The following MRAS variants were observed in gnomAD, a reference collection of about 807,000 sequenced individuals.
MRAS encodes the protein muscle RAS oncogene homolog.
In MRAS, 4 loss-of-function variants were observed where a neutral mutation model predicts 20.9. The observed-to-expected ratio is 0.19, with a 90% CI of 0.09 to 0.44. The LOEUF is 0.44. Ranked by LOEUF, MRAS falls within the 20% of genes least tolerant of loss-of-function variation. The pLI is 0.99. For synonymous variants in MRAS, 98 were observed against 102.9 expected (o/e 0.95, Z 0.29); for missense variants, 154 against 277.5 (o/e 0.56, Z 3.16).
chr3:138,348,659 G>T lies in MRAS; in HGVS notation c.-127G>T, dbSNP rs868383183. On this transcript the variant is annotated 5_prime_UTR_variant, in exon 1 of 6. Transcript: ENST00000423968. The stretch of plus-strand genomic sequence containing the variant: ...CGGAGTGGCCGGCTGGCGGGGAGCC[G>T]TCAGTCCGGCGGCCGCGGGGCCCGG... 55 of 151,776 alleles carry T rather than the reference G, an allele frequency of 3.6e-4. No homozygotes were observed. Among genetic ancestry groups the T allele is most frequent in the African/African-American group, 1.3e-3 (52 of 41,512 alleles). The allele number at this position is 151,776 out of a possible 1,614,324, so 9.4% of individuals were successfully genotyped here.
intron 1 of MRAS, among the ~76,000 whole-genome samples, chr3:138,351,076 C>T (rs140083026): frequency 6.6e-6 from 1 of 152,262 alleles, no homozygotes; most frequent in East Asian, 1.9e-4. Flanking sequence ...ATGACTGGTC[C>T]TAACCTCAGT....
rs567692539 is a variant in MRAS, at chr3:138,349,829, G to C, written c.-19+1062G>C. On this transcript the variant is annotated intron_variant, in intron 1 of 5. Coordinates refer to ENST00000423968, the MANE Select transcript of MRAS (RefSeq NM_001085049.3). ...TCCACTGTAATAACAGCAACCAACA[G>C]GGCTTCCAAAGACCAGGCACTTGAA... is the stretch of plus-strand genomic sequence containing the variant. 3 of 152,324 alleles carry C rather than the reference G, an allele frequency of 2.0e-5. No homozygotes were observed. In the South Asian group the frequency reaches 6.2e-4, roughly 32 times the overall value. 9.4% of individuals were successfully genotyped at this position (152,324 alleles called of 1,614,324 possible).
intron 1 of MRAS, among the ~76,000 whole-genome samples, chr3:138,368,723 A>C (rs538684094): frequency 4.1e-4 from 63 of 152,256 alleles, no homozygotes; most frequent in African/African-American, 1.5e-3. Context: ...TTTGCTCCTT[A>C]CCCACCAACC....
At chr3:138,370,908 G>A (rs1437347906) in intron 1 of MRAS, among the ~76,000 whole-genome samples, 2 of 152,156 alleles carry the variant, frequency 1.3e-5, no homozygotes, top group Non-Finnish European at 2.9e-5. Flanking sequence ...TAGCTGTTTT[G>A]CAGCCTGTCT....
chr3:138,378,972 G>T (rs1206770897), intron 2 of MRAS, among the ~76,000 whole-genome samples: 1 of 151,978 alleles, frequency 6.6e-6, no homozygotes. Context: ...GCATGGTAAT[G>T]ATCAAATCCA....
intron 1 of MRAS, among the ~76,000 whole-genome samples, chr3:138,366,160 G>A (rs2054556432): frequency 6.6e-6 from 1 of 152,240 alleles, no homozygotes; most frequent in Non-Finnish European, 1.5e-5. Flanking sequence ...TGGTGAAGCT[G>A]CCCATTTCTG....
chr3:138,401,245 C>A (rs2108568693), intron 5 of MRAS, among the ~76,000 whole-genome samples: 1 of 152,316 alleles, frequency 6.6e-6, no homozygotes, highest in Middle Eastern at 3.4e-3. Context: ...TTTCCCAAAT[C>A]TTTAACATGC....
intron 2 of MRAS, among the ~76,000 whole-genome samples, chr3:138,383,788 A>G (rs1366176402): frequency 6.6e-6 from 1 of 152,188 alleles, no homozygotes; most frequent in Admixed American, 6.5e-5. Flanking sequence ...CATGAAGCTT[A>G]TATTTTAGTG....
chr3:138,353,333 C>G (rs1419581571), intron 1 of MRAS, among the ~76,000 whole-genome samples: 1 of 151,876 alleles, frequency 6.6e-6, no homozygotes. Context: ...CAAATATGGC[C>G]CAAATGGGAA....
At position 138,400,706 on chromosome 3, in the gene MRAS, AG is replaced by A. The variant is rs1260092801; in HGVS notation, c.527+95del. ...GCTTGAGGAAGCAGCTCCTGTTCTG[AG>A]GCCATGAGGCTGTGGAATTCTGGGC... On this transcript the variant is annotated intron_variant, in intron 5 of 5. Transcript: ENST00000423968. 4 of 1,009,364 alleles carry A rather than the reference AG, an allele frequency of 4.0e-6. No homozygotes were observed. In the East Asian group the frequency reaches 9.8e-5, roughly 25 times the overall value. The allele number at this position is 1,009,364 out of a possible 1,614,324, so 62.5% of individuals were successfully genotyped here.
At chr3:138,359,029 A>T (rs906848190) in intron 1 of MRAS, among the ~76,000 whole-genome samples, 1 of 152,088 alleles carries the variant, frequency 6.6e-6, no homozygotes, top group African/African-American at 2.4e-5. Context: ...TTGATTCATG[A>T]CTTTTTATAA....
At chr3:138,398,377 G>C in intron 3 of MRAS, 92 bp from the exon 4 acceptor site, 1 of 1,014,350 alleles carries the variant, frequency 9.9e-7, no homozygotes, top group Non-Finnish European at 1.6e-6. Flanking sequence ...CTGTGGGCTG[G>C]CTGTGCTATG....
At chr3:138,356,283 T>C (rs1417970119) in intron 1 of MRAS, among the ~76,000 whole-genome samples, 1 of 152,182 alleles carries the variant, frequency 6.6e-6, no homozygotes, top group Non-Finnish European at 1.5e-5. Flanking sequence ...TGTGGGGAGA[T>C]TGCTGGAGTG....
At chr3:138,365,956 C>G (rs1466539598) in intron 1 of MRAS, among the ~76,000 whole-genome samples, 1 of 152,144 alleles carries the variant, frequency 6.6e-6, no homozygotes, top group Non-Finnish European at 1.5e-5. Flanking sequence ...ACGGAGTGAG[C>G]TGAAAAGCAC....
chr3:138,385,792 G>A (rs2054999911), intron 2 of MRAS, among the ~76,000 whole-genome samples: 1 of 152,204 alleles, frequency 6.6e-6, no homozygotes, highest in African/African-American at 2.4e-5. Flanking sequence ...TGGGGTTACA[G>A]GTGTGAGCCA....
intron 1 of MRAS, among the ~76,000 whole-genome samples, chr3:138,358,394 C>T (rs549576299): frequency 1.3e-4 from 20 of 151,962 alleles, no homozygotes; most frequent in African/African-American, 1.7e-4. Context: ...AAGAATTAGG[C>T]ACTCTAGACC....
intron 2 of MRAS, among the ~76,000 whole-genome samples, chr3:138,379,915 T>C (rs2108531036): frequency 6.6e-6 from 1 of 152,328 alleles, no homozygotes; most frequent in African/African-American, 2.4e-5. Flanking sequence ...CCATTTTCCA[T>C]AGTGGCTATA....
chr3:138,368,221 G>A (rs2054602499), intron 1 of MRAS, among the ~76,000 whole-genome samples: 7 of 152,232 alleles, frequency 4.6e-5, no homozygotes. Context: ...ACAGAGCAGA[G>A]ATGGTGGTGA....
At chr3:138,378,660 T>C (rs188049454) in intron 2 of MRAS, among the ~76,000 whole-genome samples, 168 of 152,352 alleles carry the variant, frequency 1.1e-3, no homozygotes, top group Non-Finnish European at 1.8e-3. Flanking sequence ...TCTCTTGTCA[T>C]GAATCAGGAA....
Sources: gnomAD v4.1 joint callset for allele counts (sites outside exome capture counted in the v4.1 genomes callset) on GRCh38, gnomAD v4.1.1 for gene constraint, MANE v1.5 for transcripts, NCBI Gene and HGNC (gene_info 2026-07-23, HGNC 2026-07-21) for gene names.